The following BCAS3 variants were observed in gnomAD, a reference collection of about 807,000 sequenced individuals.
BCAS3 encodes BCAS4/BCAS3 fusion.
BCAS3 carries 53 observed loss-of-function variants against 116.1 expected under a neutral mutation model. The observed-to-expected ratio is 0.46, with a 90% CI of 0.37 to 0.57. BCAS3 has a LOEUF of 0.57. Ranked by LOEUF, BCAS3 falls within the 20% of genes least tolerant of loss-of-function variation. The pLI, the probability that BCAS3 is intolerant of heterozygous loss-of-function variation, is 0.00. For missense variants in BCAS3, 917 were observed against 1,165.4 expected (o/e 0.79, Z 3.10); for synonymous variants, 391 against 408.2 (o/e 0.96, Z 0.51).
intron 12 of BCAS3, among the ~76,000 whole-genome samples, chr17:60,919,309 A>G (rs2058945395): frequency 6.6e-6 from 1 of 151,994 alleles, no homozygotes; most frequent in African/African-American, 2.4e-5. Flanking sequence ...ATGTCTGTGC[A>G]TCAGGTATAA....
At chr17:61,112,922 G>A (rs1197523693) in intron 22 of BCAS3, among the ~76,000 whole-genome samples, 1 of 148,486 alleles carries the variant, frequency 6.7e-6, no homozygotes, top group East Asian at 2.0e-4. Flanking sequence ...TAGAACTCAG[G>A]ATTAAGAATC....
chr17:60,973,217 C>T (rs1376165716), intron 14 of BCAS3, among the ~76,000 whole-genome samples: 4 of 152,082 alleles, frequency 2.6e-5, no homozygotes, highest in Non-Finnish European at 5.9e-5. Context: ...GGCATCATTT[C>T]AGACTTCAAG....
chr17:60,779,689 G>GA (rs1045551529), intron 6 of BCAS3, among the ~76,000 whole-genome samples: 9 of 152,172 alleles, frequency 5.9e-5, no homozygotes, highest in African/African-American at 2.2e-4. Flanking sequence ...TTTAGACTTG[G>GA]TTCCTATCAA....
intron 4 of BCAS3, among the ~76,000 whole-genome samples, chr17:60,694,101 T>A (rs1358413275): frequency 6.6e-6 from 1 of 150,446 alleles, no homozygotes; most frequent in Non-Finnish European, 1.5e-5. Flanking sequence ...TTAGCCAGGA[T>A]GGTCTCGATC....
Position 61,067,273 on chromosome 17 carries a change from GTATATATATATATATATA to G in BCAS3, c.2030-7621_2030-7604del, listed in dbSNP as rs1199603635. On this transcript the variant is annotated intron_variant, in intron 19 of 23. Transcript: ENST00000407086. Reference sequence around the variant, plus strand: ...CATAACTTTATTTATGTGTGTATGTGTATATATATATATATATATATATATATATATATATATATATAT... The same window carrying G: ...CATAACTTTATTTATGTGTGTATGTGTATATATATATATATATATATATAT... Among the ~76,000 whole-genome samples the G allele has an allele frequency of 4.8e-4, 28 of 58,800 alleles. No homozygotes were observed. The South Asian group carries it at 4.8e-3, about 10-fold the overall frequency. 38.6% of individuals were successfully genotyped at this position (58,800 alleles called of 152,430 possible). A position where few individuals can be genotyped will look rare whatever the true frequency, so the allele number is the denominator to read the frequency against.
rs1468744366 is a variant in BCAS3 at position 61,239,049 on chromosome 17, G to C, written c.2426-129278G>C. 3.3e-5 allele frequency among the ~76,000 whole-genome samples: 5 copies of C among 152,182 alleles called. No individual in the cohort carries two copies. The highest frequency in any genetic ancestry group is 7.3e-5 in the Non-Finnish European group (5 of 68,034). ...TTCGTGTATATTTTTAGCAATAGAA[G>C]CAATATAGCATACCTTTGAGCCAGT... is the stretch of plus-strand genomic sequence containing the variant. On this transcript the variant is annotated intron_variant, in intron 22 of 23. Coordinates refer to ENST00000407086, the MANE Select transcript of BCAS3 (RefSeq NM_017679.5). The surrounding 1 kb of genome is among the most constrained non-coding windows in gnomAD (Gnocchi z 4.2).
chr17:60,799,141 C>G (rs1229718096), intron 6 of BCAS3, among the ~76,000 whole-genome samples: 1 of 152,042 alleles, frequency 6.6e-6, no homozygotes, highest in Admixed American at 6.6e-5. Context: ...TTTACATGTA[C>G]TTTTTAAAAT....
chr17:61,176,561 T>TTATTTATG (rs1471695526), intron 22 of BCAS3, among the ~76,000 whole-genome samples: 20 of 138,674 alleles, frequency 1.4e-4, no homozygotes, highest in African/African-American at 5.5e-4. Flanking sequence ...ATTTATTTAT[T>TTATTTATG]TATTTATGTA....
chr17:60,725,524 G>T (rs112123170), intron 5 of BCAS3, among the ~76,000 whole-genome samples: 4,738 of 152,244 alleles, frequency 0.031, 239 homozygotes, highest in African/African-American at 0.1. Flanking sequence ...TTGGGGGAAA[G>T]GTCACTAAAT....
rs146423635 is a variant in BCAS3, at chr17:61,216,212, T to C, written c.2425+131648T>C. 3.7e-3 allele frequency among the ~76,000 whole-genome samples: 565 copies of C among 152,310 alleles called. 3 individuals carry two copies. Among genetic ancestry groups the C allele is most frequent in the African/African-American group, 0.013 (545 of 41,572 alleles). On this transcript the variant is annotated intron_variant, in intron 22 of 23. Transcript: ENST00000407086. ...AAGCTAGCAGGGAGATTCCTTAAAG[T>C]ATCATGGGATGTCCAGAAGTTCAGG...
intron 5 of BCAS3, among the ~76,000 whole-genome samples, chr17:60,723,674 T>C (rs1472839729): frequency 6.6e-6 from 1 of 151,708 alleles, no homozygotes; most frequent in Non-Finnish European, 1.5e-5. Context: ...GTCCCAATAG[T>C]CTACTTTATA....
rs190052052 is a variant in BCAS3 at position 61,277,044 on chromosome 17, C to G, written c.2426-91283C>G. 5.3e-5 allele frequency among the ~76,000 whole-genome samples: 8 copies of G among 152,058 alleles called. No homozygotes were observed. In the East Asian group the frequency reaches 1.5e-3, roughly 29 times the overall value. On this transcript the variant is annotated intron_variant, in intron 22 of 23. Transcript: ENST00000407086. ...TTGGGAGGCCAAGGCAGGAGGATCA[C>G]TTGAGGCCAGGAGTTTGAGACCAGC...
intron 19 of BCAS3, among the ~76,000 whole-genome samples, chr17:61,066,090 T>G (rs1448255798): frequency 6.6e-6 from 1 of 152,188 alleles, no homozygotes; most frequent in Non-Finnish European, 1.5e-5. Flanking sequence ...GAAGCAGATT[T>G]CTCTGATAGT....
intron 7 of BCAS3, among the ~76,000 whole-genome samples, chr17:60,848,644 A>C (rs1410134403): frequency 6.6e-6 from 1 of 151,944 alleles, no homozygotes; most frequent in Non-Finnish European, 1.5e-5. Context: ...TTCTTTATTG[A>C]ATATGGAGTT....
chr17:61,264,408 CTT>C (rs539191667), intron 22 of BCAS3, among the ~76,000 whole-genome samples: 63 of 132,940 alleles, frequency 4.7e-4, no homozygotes, highest in Admixed American at 6.1e-4. Flanking sequence ...ATAGGTAAGT[CTT>C]TTTTTTTTTT....
At chr17:61,193,134 T>C (rs1249045503) in intron 22 of BCAS3, among the ~76,000 whole-genome samples, 1 of 152,150 alleles carries the variant, frequency 6.6e-6, no homozygotes, top group Non-Finnish European at 1.5e-5. Context: ...TGGTGGCACA[T>C]GCCTGTAATC....
intron 16 of BCAS3, among the ~76,000 whole-genome samples, chr17:61,031,509 A>T (rs1292833793): frequency 6.6e-6 from 1 of 152,186 alleles, no homozygotes; most frequent in Non-Finnish European, 1.5e-5. Context: ...CCCATAGAAG[A>T]TATTTTATTC....
rs959228824 is a variant in BCAS3 at position 60,960,141 on chromosome 17, A to G, written c.1221+12789A>G. On this transcript the variant is annotated intron_variant, in intron 14 of 23. Transcript: ENST00000407086. The surrounding 1 kb of genome is among the most constrained non-coding windows in gnomAD (Gnocchi z 4.1). ...TGGGGGCTATAATTCACTTCTCTGTATTCTATCCTCTGCCTCCCAGAATTC... is the reference window on the plus strand; with the variant it reads ...TGGGGGCTATAATTCACTTCTCTGTGTTCTATCCTCTGCCTCCCAGAATTC... 9.2e-5 allele frequency among the ~76,000 whole-genome samples: 14 copies of G among 152,140 alleles called. No individual in the cohort carries two copies. Among genetic ancestry groups the G allele is most frequent in the African/African-American group, 1.4e-4 (6 of 41,426 alleles).
rs56318132 is a variant in BCAS3 at position 61,352,923 on chromosome 17, T to C, written c.2426-15404T>C. Reference sequence around the variant, plus strand: ...TATGAATTTCTCTTGTTTGCTTTAATGGAGTGTTAACCCCCGTCGCTGGAA... The same window carrying C: ...TATGAATTTCTCTTGTTTGCTTTAACGGAGTGTTAACCCCCGTCGCTGGAA... On this transcript the variant is annotated intron_variant, in intron 22 of 23. Coordinates refer to ENST00000407086, the MANE Select transcript of BCAS3 (RefSeq NM_017679.5). The surrounding 1 kb of genome is among the most constrained non-coding windows in gnomAD (Gnocchi z 4.7). Among the ~76,000 whole-genome samples the C allele has an allele frequency of 0.13, 19,099 of 152,230 alleles. 1,585 individuals are homozygous for C. The highest frequency in any genetic ancestry group is 0.19 in the Non-Finnish European group (12,839 of 68,006).
Sources: allele counts gnomAD v4.1 joint callset (sites outside exome capture counted in the v4.1 genomes callset), GRCh38; gene constraint gnomAD v4.1.1; non-coding constraint Gnocchi (gnomAD v3.1); transcripts MANE v1.5; gene names NCBI Gene and HGNC (gene_info 2026-07-23, HGNC 2026-07-21).